The following CDYL variants were observed in gnomAD, a reference collection of about 807,000 sequenced individuals.
CDYL encodes chromodomain Y-like protein.
In CDYL, 8 loss-of-function variants were observed where a neutral mutation model predicts 47.3. That is an observed-to-expected ratio of 0.17 (90% CI 0.10 to 0.31). CDYL has a LOEUF of 0.31. CDYL is among the 10% of genes least tolerant of loss of function. The probability of loss-of-function intolerance (pLI) is 1.00; values close to 1 mark genes in which losing one functional copy is unlikely to be tolerated. For missense variants in CDYL, 471 were observed against 701.4 expected, an observed-to-expected ratio of 0.67 and a Z score of 3.71; for synonymous variants, 266 against 265.0, an observed-to-expected ratio of 1.00 and a Z score of -0.04.
At chr6:4,949,278 T>A (rs1378068872) in intron 5 of CDYL, among the ~76,000 whole-genome samples, 1 of 152,182 alleles carries the variant, frequency 6.6e-6, no homozygotes, top group Non-Finnish European at 1.5e-5. Context: ...AGCTGGAGAA[T>A]GCCCAGCGAG....
intron 1 of CDYL, among the ~76,000 whole-genome samples, chr6:4,778,031 C>T (rs2127428834): frequency 6.6e-6 from 1 of 152,108 alleles, no homozygotes; most frequent in South Asian, 2.1e-4. Context: ...CCGCTGTATT[C>T]AGGATACTAT....
At chr6:4,884,107 C>T (rs1581234434) in intron 1 of CDYL, among the ~76,000 whole-genome samples, 2 of 152,178 alleles carry the variant, frequency 1.3e-5, no homozygotes, top group Non-Finnish European at 2.9e-5. Flanking sequence ...TGGAAGCATT[C>T]ATTAATGGAT....
At chr6:4,921,795 CTTTT>C (rs200973635) in intron 2 of CDYL, among the ~76,000 whole-genome samples, 1 of 147,836 alleles carries the variant, frequency 6.8e-6, no homozygotes, top group Non-Finnish European at 1.5e-5. Flanking sequence ...ATGCCATATA[CTTTT>C]TTTTTTTAAC....
At chr6:4,749,815 T>C (rs1757959646) in intron 3 of CDYL, among the ~76,000 whole-genome samples, 1 of 152,212 alleles carries the variant, frequency 6.6e-6, no homozygotes, top group South Asian at 2.1e-4. Context: ...AGTAGAGTGA[T>C]ATAACTTATT....
chr6:4,738,314 T>C (rs1342891822), intron 3 of CDYL, among the ~76,000 whole-genome samples: 3 of 152,094 alleles, frequency 2.0e-5, no homozygotes, highest in Non-Finnish European at 2.9e-5. Context: ...GAGGCAGAGG[T>C]TGCAGTGAGC....
At chr6:4,713,051 G>A (rs111612707) in intron 1 of CDYL, among the ~76,000 whole-genome samples, 90 of 152,334 alleles carry the variant, frequency 5.9e-4, no homozygotes, top group African/African-American at 2.0e-3. Flanking sequence ...AGGCTGAGGT[G>A]GGAGGATCGC....
Position 4,840,239 on chromosome 6 carries a change from T to G in CDYL, c.25-51474T>G, listed in dbSNP as rs776858966. ...TGTTGTTGGTGTATAGCAGAGCTAC[T>G]GATTTGTGTACATTAGCTTTGTATC... On this transcript the variant is annotated intron_variant, in intron 1 of 6. Transcript: ENST00000397588. Among the ~76,000 whole-genome samples the G allele has an allele frequency of 2.6e-5, 4 of 152,296 alleles. No individual in the cohort carries two copies. The South Asian group carries it at 8.3e-4, about 32-fold the overall frequency.
intron 6 of CDYL, among the ~76,000 whole-genome samples, chr6:4,953,230 A>G (rs903775374): frequency 1.2e-4 from 18 of 152,008 alleles, no homozygotes; most frequent in Admixed American, 6.5e-4. Flanking sequence ...CTAAAAATCC[A>G]AAAGTTAGCC....
intron 1 of CDYL, among the ~76,000 whole-genome samples, chr6:4,877,094 C>A (rs1339892675): frequency 1.3e-5 from 2 of 152,290 alleles, no homozygotes; most frequent in East Asian, 3.9e-4. Flanking sequence ...GAATTCCCTG[C>A]CTCCAGAATT....
chr6:4,796,224 C>T (rs1022634117), intron 1 of CDYL, among the ~76,000 whole-genome samples: 4 of 152,128 alleles, frequency 2.6e-5, no homozygotes, highest in African/African-American at 7.2e-5. Flanking sequence ...TGAGCCACTG[C>T]GCCTGGCCCA....
intron 3 of CDYL, among the ~76,000 whole-genome samples, chr6:4,736,945 C>T (rs12665403): frequency 0.19 from 29,227 of 151,980 alleles, 2,901 homozygotes; most frequent in Admixed American, 0.21. Context: ...GATGACAGAA[C>T]GAGTTCCCTA....
At chr6:4,919,088 G>C (rs755362412) in intron 2 of CDYL, among the ~76,000 whole-genome samples, 3 of 152,144 alleles carry the variant, frequency 2.0e-5, no homozygotes, top group African/African-American at 7.2e-5. Context: ...GCTAATTAGA[G>C]TGTTTTGTTC....
At chr6:4,736,473 G>A (rs1264505578) in intron 3 of CDYL, among the ~76,000 whole-genome samples, 1 of 152,146 alleles carries the variant, frequency 6.6e-6, no homozygotes, top group African/African-American at 2.4e-5. Context: ...AAGAACCCTT[G>A]CACTAGACTG....
chr6:4,952,463 C>T (rs1420053645), intron 6 of CDYL, 54 bp downstream of exon 6: 2 of 1,556,824 alleles, frequency 1.3e-6, no homozygotes, highest in African/African-American at 1.4e-5. Flanking sequence ...GAAACTTTTC[C>T]CTCAGAGAGC....
intron 1 of CDYL, among the ~76,000 whole-genome samples, chr6:4,882,880 G>A (rs1162733796): frequency 6.6e-6 from 1 of 152,150 alleles, no homozygotes; most frequent in Non-Finnish European, 1.5e-5. Flanking sequence ...ACCCACTGGA[G>A]AGTGAGAAAT....
chr6:4,793,169 A>G (rs1758976072), intron 1 of CDYL, among the ~76,000 whole-genome samples: 1 of 152,050 alleles, frequency 6.6e-6, no homozygotes, highest in South Asian at 2.1e-4. Flanking sequence ...TGGAATCATC[A>G]TGTTGATTAC....
intron 5 of CDYL, among the ~76,000 whole-genome samples, chr6:4,948,675 C>A (rs1758605445): frequency 6.6e-6 from 1 of 152,108 alleles, no homozygotes; most frequent in South Asian, 2.1e-4. Flanking sequence ...TGCATGTAGC[C>A]CCCACAGGAC....
chr6:4,717,267 C>G (rs1020303446), intron 2 of CDYL, among the ~76,000 whole-genome samples: 2 of 152,156 alleles, frequency 1.3e-5, no homozygotes, highest in Non-Finnish European at 2.9e-5. Flanking sequence ...AATTCCTGTT[C>G]CGCCTACTGG....
intron 1 of CDYL, among the ~76,000 whole-genome samples, chr6:4,796,293 T>A (rs1006682457): frequency 6.6e-6 from 1 of 152,156 alleles, no homozygotes; most frequent in Non-Finnish European, 1.5e-5. Flanking sequence ...GTATAAAAAA[T>A]GAAAACCAAA....
Sources: gnomAD v4.1 joint callset for allele counts (sites outside exome capture counted in the v4.1 genomes callset) on GRCh38, gnomAD v4.1.1 for gene constraint, MANE v1.5 for transcripts, NCBI Gene and HGNC (gene_info 2026-07-23, HGNC 2026-07-21) for gene names.